Variants in SORCS2 observed in about 807,000 individuals in gnomAD.
SORCS2 encodes the protein VPS10 domain-containing receptor SorCS2.
Under a neutral mutation model 141.6 loss-of-function variants are expected in SORCS2, and 100 were observed. That is an observed-to-expected ratio of 0.71 (90% confidence interval 0.60 to 0.83). The LOEUF (loss-of-function observed/expected upper bound fraction) is 0.83, where lower values mean the gene tolerates loss of function less well. Ranked by LOEUF, SORCS2 falls within the 40% of genes least tolerant of loss-of-function variation. The probability of loss-of-function intolerance (pLI) is 0.00; values close to 1 mark genes in which losing one functional copy is unlikely to be tolerated. For synonymous variants in SORCS2, 789 were observed against 676.9 expected (o/e 1.17, Z -2.57); for missense variants, 1,646 against 1,560.2 (o/e 1.05, Z -0.93).
Position 7,201,080 on chromosome 4 carries a change from C to T in SORCS2, c.480+7954C>T, listed in dbSNP as rs923910546. On this transcript the variant is annotated intron_variant, in intron 1 of 26. Coordinates refer to ENST00000507866, the MANE Select transcript of SORCS2 (RefSeq NM_020777.3). The surrounding 1 kb of genome is among the most constrained non-coding windows in gnomAD (Gnocchi z 4.4). ...GTCTGGACAGGAATTCACCCCAGCG[C>T]GTTCTAGGTGCCGTGTGAATCTGCG... is the stretch of plus-strand genomic sequence containing the variant. Among the ~76,000 whole-genome samples, 22 of 152,120 alleles carry T rather than the reference C, an allele frequency of 1.4e-4. No homozygotes were observed. Among genetic ancestry groups the T allele is most frequent in the Non-Finnish European group, 1.5e-5 (1 of 68,032 alleles).
chr4:7,669,583 G>A (rs1722681556), intron 8 of SORCS2, among the ~76,000 whole-genome samples: 1 of 152,144 alleles, frequency 6.6e-6, no homozygotes, highest in Non-Finnish European at 1.5e-5. Flanking sequence ...TTGTTTTATG[G>A]TGAATTTGTA....
intron 3 of SORCS2, among the ~76,000 whole-genome samples, chr4:7,632,415 C>T (rs1719951238): frequency 6.6e-6 from 1 of 152,190 alleles, no homozygotes; most frequent in African/African-American, 2.4e-5. Flanking sequence ...CCACTGCCAG[C>T]TCCGCCTGGC....
chr4:7,210,083 T>A (rs1727975973), intron 1 of SORCS2, among the ~76,000 whole-genome samples: 1 of 152,174 alleles, frequency 6.6e-6, no homozygotes, highest in Non-Finnish European at 1.5e-5. Context: ...GATGGGGGCC[T>A]CTGACTGGGG....
intron 3 of SORCS2, among the ~76,000 whole-genome samples, chr4:7,547,810 T>C (rs1713379497): frequency 6.6e-6 from 1 of 152,230 alleles, no homozygotes; most frequent in Non-Finnish European, 1.5e-5. Context: ...GGGCAGGAAC[T>C]CTGTCTCTTG....
chr4:7,625,332 T>C (rs1447659928), intron 3 of SORCS2, among the ~76,000 whole-genome samples: 1 of 151,962 alleles, frequency 6.6e-6, no homozygotes, highest in South Asian at 2.1e-4. Flanking sequence ...GCTCACAAAT[T>C]GTTTGGTCTT....
chr4:7,708,325 T>C (rs1414737564), intron 14 of SORCS2, among the ~76,000 whole-genome samples: 2 of 152,114 alleles, frequency 1.3e-5, no homozygotes, highest in Admixed American at 6.5e-5. Flanking sequence ...AGGCCATGCA[T>C]TGTGGTGGGA....
intron 18 of SORCS2, among the ~76,000 whole-genome samples, chr4:7,719,976 G>A (rs780422340): frequency 1.3e-5 from 2 of 152,224 alleles, no homozygotes; most frequent in East Asian, 1.9e-4. Context: ...CACCCGCTAC[G>A]CTAGGGAAGC....
intron 1 of SORCS2, among the ~76,000 whole-genome samples, chr4:7,226,061 C>T (rs1025904374): frequency 1.3e-5 from 2 of 152,180 alleles, no homozygotes; most frequent in Non-Finnish European, 1.5e-5. Context: ...GAAAACGTGG[C>T]TCCGGAGGGT....
rs1447928480 is a variant in SORCS2 at position 7,373,928 on chromosome 4, A to G, written c.481-22360A>G. On this transcript the variant is annotated intron_variant, in intron 1 of 26. Transcript: ENST00000507866. ...GTTGATGAATTCCGTTTATCTATAG[A>G]TTAATATTTTTTATGATTCCTGCTT... 2.0e-5 allele frequency among the ~76,000 whole-genome samples: 3 copies of G among 152,222 alleles called. No individual in the cohort carries two copies. In the South Asian group the frequency reaches 6.2e-4, roughly 32 times the overall value.
chr4:7,267,949 C>G (rs186606351), intron 1 of SORCS2, among the ~76,000 whole-genome samples: 5 of 152,302 alleles, frequency 3.3e-5, no homozygotes, highest in African/African-American at 4.8e-5. Context: ...AGGTAGGTGA[C>G]CTTTATGCTC....
chr4:7,564,792 T>C (rs1434395005), intron 3 of SORCS2, among the ~76,000 whole-genome samples: 1 of 152,246 alleles, frequency 6.6e-6, no homozygotes, highest in Non-Finnish European at 1.5e-5. Context: ...CAATGAGTAT[T>C]ACAAACATTT....
intron 1 of SORCS2, among the ~76,000 whole-genome samples, chr4:7,379,434 C>T (rs982315325): frequency 2.0e-5 from 3 of 152,144 alleles, no homozygotes; most frequent in South Asian, 2.1e-4. Context: ...GGAGGGCCTT[C>T]GGGAGTGGGG....
At chr4:7,613,146 A>T (rs1718532100) in intron 3 of SORCS2, among the ~76,000 whole-genome samples, 1 of 152,272 alleles carries the variant, frequency 6.6e-6, no homozygotes, top group Admixed American at 6.5e-5. Context: ...TTCCAGGCAG[A>T]GGGAGCATTT....
intron 3 of SORCS2, among the ~76,000 whole-genome samples, chr4:7,542,276 C>A (rs527996676): frequency 6.6e-6 from 1 of 152,306 alleles, no homozygotes; most frequent in South Asian, 2.1e-4. Flanking sequence ...ATTGTGCCCC[C>A]CAAAAAAATA....
intron 1 of SORCS2, among the ~76,000 whole-genome samples, chr4:7,377,804 C>G (rs1453334687): frequency 2.0e-5 from 3 of 152,182 alleles, no homozygotes; most frequent in Admixed American, 1.3e-4. Flanking sequence ...AGGGAGCCTT[C>G]TATTTGATAT....
chr4:7,373,993 C>A (rs1722445405), intron 1 of SORCS2, among the ~76,000 whole-genome samples: 1 of 152,172 alleles, frequency 6.6e-6, no homozygotes, highest in African/African-American at 2.4e-5. Context: ...TCCAAAGGCA[C>A]AAAGATTTCT....
At chr4:7,514,856 C>G (rs1732878409) in intron 2 of SORCS2, among the ~76,000 whole-genome samples, 1 of 152,134 alleles carries the variant, frequency 6.6e-6, no homozygotes, top group Admixed American at 6.5e-5. Flanking sequence ...GGGCCCCCAC[C>G]ATCAATGGGA....
intron 2 of SORCS2, among the ~76,000 whole-genome samples, chr4:7,517,988 G>A (rs1733094206): frequency 6.6e-6 from 1 of 152,198 alleles, no homozygotes; most frequent in South Asian, 2.1e-4. Context: ...AGAACATGCT[G>A]AGTATTTTGT....
chr4:7,727,609 C>T (rs1361623654), intron 21 of SORCS2, among the ~76,000 whole-genome samples: 1 of 152,178 alleles, frequency 6.6e-6, no homozygotes, highest in African/African-American at 2.4e-5. Context: ...GAGGAGGCTG[C>T]CCTTGGCTAT....
Sources: gnomAD v4.1 joint callset for allele counts (sites outside exome capture counted in the v4.1 genomes callset) on GRCh38, gnomAD v4.1.1 for gene constraint, Gnocchi (gnomAD v3.1) non-coding constraint, MANE v1.5 for transcripts, NCBI Gene and HGNC (gene_info 2026-07-23, HGNC 2026-07-21) for gene names.